The following C7orf33 variants were observed in gnomAD, a reference collection of about 807,000 sequenced individuals.
C7orf33 encodes the protein chromosome 7 open reading frame 33.
Under a neutral mutation model 13.4 loss-of-function variants are expected in C7orf33, and 15 were observed. The observed-to-expected ratio is 1.12, with a 90% CI of 0.75 to 1.72. The LOEUF (loss-of-function observed/expected upper bound fraction) is 1.72. Among genes scored for constraint, C7orf33 ranks in the 40% most tolerant of loss-of-function variants. The pLI, the probability that C7orf33 is intolerant of heterozygous loss-of-function variation, is 0.00. For synonymous variants in C7orf33, 73 were observed against 83.2 expected (o/e 0.88, Z 0.67); for missense variants, 187 against 220.3 (o/e 0.85, Z 0.96).
At chr7:148,599,469 A>ATTTTT (rs34816972) in intron 1 of C7orf33, among the ~76,000 whole-genome samples, 11 of 122,970 alleles carry the variant, frequency 8.9e-5, no homozygotes, top group African/African-American at 3.2e-4. Flanking sequence ...CAATTCTCAG[A>ATTTTT]TTTTTTTTTT....
intron 1 of C7orf33, among the ~76,000 whole-genome samples, chr7:148,610,357 A>G (rs963025876): frequency 6.6e-6 from 1 of 152,154 alleles, no homozygotes; most frequent in African/African-American, 2.4e-5. Flanking sequence ...GCTAGAATAT[A>G]GAGCAGGCAG....
At chr7:148,600,806 T>C (rs1796404080) in intron 1 of C7orf33, among the ~76,000 whole-genome samples, 1 of 144,494 alleles carries the variant, frequency 6.9e-6, no homozygotes, top group Non-Finnish European at 1.5e-5. Context: ...CTTCTTTTTT[T>C]TTTTTTTTTT....
intron 1 of C7orf33, among the ~76,000 whole-genome samples, chr7:148,603,608 G>A (rs1221807541): frequency 1.3e-5 from 2 of 152,088 alleles, no homozygotes; most frequent in African/African-American, 4.8e-5. Context: ...TGGAAGAGGA[G>A]GCATCTATTG....
intron 1 of C7orf33, among the ~76,000 whole-genome samples, chr7:148,597,474 G>A (rs1417815468): frequency 6.6e-5 from 10 of 151,862 alleles, no homozygotes; most frequent in Admixed American, 5.9e-4. Context: ...TAGCAATGGG[G>A]TTTTACCATA....
rs1403293117 is a variant in C7orf33 at position 148,591,148 on chromosome 7, G to T, written c.204+19G>T. Reference sequence around the variant, plus strand: ...ACATAAGGTAAGTTAATGATTCTAAGATGAATCAACTGCTCTTTGAGTCAG... The same window carrying T: ...ACATAAGGTAAGTTAATGATTCTAATATGAATCAACTGCTCTTTGAGTCAG... On this transcript the variant is annotated intron_variant, in intron 1 of 2. Coordinates refer to ENST00000307003, the MANE Select transcript of C7orf33 (RefSeq NM_145304.4). 4 of 1,579,072 alleles carry T rather than the reference G, an allele frequency of 2.5e-6. No homozygotes were observed. Among genetic ancestry groups the T allele is most frequent in the Non-Finnish European group, 3.5e-6 (4 of 1,148,830 alleles).
chr7:148,608,767 C>G (rs1005956880), intron 1 of C7orf33, among the ~76,000 whole-genome samples: 1 of 151,568 alleles, frequency 6.6e-6, no homozygotes, highest in Admixed American at 6.6e-5. Flanking sequence ...CAGTGAGCCA[C>G]GGTCACACCT....
intron 1 of C7orf33, among the ~76,000 whole-genome samples, chr7:148,597,766 T>C (rs1796357550): frequency 6.6e-6 from 1 of 150,614 alleles, no homozygotes; most frequent in Non-Finnish European, 1.5e-5. Context: ...TTTGTTTTGT[T>C]TTGTTTTGAG....
chr7:148,611,027 A>G (rs10952765), intron 1 of C7orf33, among the ~76,000 whole-genome samples: 82,112 of 151,858 alleles, frequency 0.54, 22,422 homozygotes, highest in East Asian at 0.57. Context: ...GCAGGAGATG[A>G]CAGAGTGAGA....
Position 148,615,371 on chromosome 7 carries a change from C to G in C7orf33, c.504C>G (p.Ala168=). 6.2e-7 allele frequency: 1 copy of G among 1,613,438 alleles called. No individual in the cohort carries two copies. Among genetic ancestry groups the G allele is most frequent in the Non-Finnish European group, 8.5e-7 (1 of 1,179,412 alleles). Residue 168 remains alanine, a synonymous_variant, in exon 3 of 3, where the codon GCC becomes GCG. Transcript: ENST00000307003. ...GAAAGCTCCAGAATTCTGTTGAGGC[C>G]ACAAGGATTTCCAGAACTGACAGCA... is the stretch of plus-strand genomic sequence containing the variant. ...EVRKLQNSVE[A]TRISRTDSS
At chr7:148,612,481 G>A (rs1394790417) in intron 1 of C7orf33, among the ~76,000 whole-genome samples, 1 of 152,154 alleles carries the variant, frequency 6.6e-6, no homozygotes, top group Non-Finnish European at 1.5e-5. Flanking sequence ...CAGAATGGGA[G>A]AAAATATTTG....
At chr7:148,593,105 C>T (rs1361316055) in intron 1 of C7orf33, among the ~76,000 whole-genome samples, 2 of 152,008 alleles carry the variant, frequency 1.3e-5, no homozygotes, top group African/African-American at 4.8e-5. Context: ...CTCCCAAAGT[C>T]CTGGGATTAC....
At chr7:148,609,929 G>A (rs1394300518) in intron 1 of C7orf33, among the ~76,000 whole-genome samples, 2 of 152,122 alleles carry the variant, frequency 1.3e-5, no homozygotes, top group Admixed American at 6.5e-5. Flanking sequence ...AGTTAAAAAC[G>A]GAAGTACATC....
intron 1 of C7orf33, among the ~76,000 whole-genome samples, chr7:148,607,343 A>G (rs530587484): frequency 2.9e-4 from 44 of 152,216 alleles, no homozygotes; most frequent in African/African-American, 1.0e-3. Context: ...TTATCTTGTA[A>G]ATCTCTGTCC....
At position 148,590,773 on chromosome 7, in the gene C7orf33, G is replaced by C. The variant is rs1796256428; in HGVS notation, c.-153G>C. Reference sequence around the variant, plus strand: ...CTACTCAGCTGTGACCTTACTTATGGTGATGCCAATCCAGTGGTCAGGAGC... The same window carrying C: ...CTACTCAGCTGTGACCTTACTTATGCTGATGCCAATCCAGTGGTCAGGAGC... On this transcript the variant is annotated 5_prime_UTR_variant, in exon 1 of 3. Coordinates refer to ENST00000307003, the MANE Select transcript of C7orf33 (RefSeq NM_145304.4). 9.7e-6 allele frequency: 7 copies of C among 720,170 alleles called. No individual in the cohort carries two copies. Among genetic ancestry groups the C allele is most frequent in the Non-Finnish European group, 1.7e-5 (7 of 416,146 alleles). 44.6% of individuals were successfully genotyped at this position (720,170 alleles called of 1,614,324 possible).
At chr7:148,614,359 T>C in intron 2 of C7orf33, 63 bp downstream of exon 2, 4 of 1,525,416 alleles carry the variant, frequency 2.6e-6, no homozygotes, top group Non-Finnish European at 3.6e-6. Context: ...CTCTGAAACT[T>C]CCATGAAAAT....
At chr7:148,614,586 T>G (rs1796581078) in intron 2 of C7orf33, among the ~76,000 whole-genome samples, 1 of 152,200 alleles carries the variant, frequency 6.6e-6, no homozygotes, top group South Asian at 2.1e-4. Context: ...TTTAACAAAA[T>G]AAGAGCTCAC....
chr7:148,601,063 A>G (rs1439634806), intron 1 of C7orf33, among the ~76,000 whole-genome samples: 1 of 151,868 alleles, frequency 6.6e-6, no homozygotes, highest in Non-Finnish European at 1.5e-5. Flanking sequence ...CAGCCTCCCA[A>G]AGTGCTGGGA....
At chr7:148,613,382 T>C (rs993799820) in intron 1 of C7orf33, among the ~76,000 whole-genome samples, 9 of 152,234 alleles carry the variant, frequency 5.9e-5, no homozygotes, top group Non-Finnish European at 1.5e-5. Flanking sequence ...ATAGCAGCAT[T>C]ATTCATAATA....
chr7:148,599,322 C>G (rs1248355293), intron 1 of C7orf33, among the ~76,000 whole-genome samples: 2 of 152,032 alleles, frequency 1.3e-5, no homozygotes, highest in Non-Finnish European at 2.9e-5. Context: ...GAGACAAGAA[C>G]ACAAATGAAA....
Sources: gnomAD v4.1 joint callset for allele counts (sites outside exome capture counted in the v4.1 genomes callset) on GRCh38, gnomAD v4.1.1 for gene constraint, MANE v1.5 for transcripts, NCBI Gene and HGNC (gene_info 2026-07-23, HGNC 2026-07-21) for gene names.